Variants in PLEKHG4 observed in about 807,000 individuals in gnomAD.
PLEKHG4 encodes puratrophin-1.
A neutral mutation model predicts 136.9 loss-of-function variants in PLEKHG4; 85 were observed. The observed-to-expected ratio is 0.62, with a 90% CI of 0.52 to 0.74. The LOEUF (loss-of-function observed/expected upper bound fraction) is 0.74, where lower values mean the gene tolerates loss of function less well. PLEKHG4 is among the 30% of genes least tolerant of loss of function. PLEKHG4 has a pLI of 0.00. For missense variants in PLEKHG4, 1,317 were observed against 1,527.8 expected, an observed-to-expected ratio of 0.86 and a Z score of 2.30; for synonymous variants, 577 against 646.9, an observed-to-expected ratio of 0.89 and a Z score of 1.64.
chr16:67,288,156 C>A lies in PLEKHG4; in HGVS notation c.3221-11C>A. On this transcript the variant is annotated splice_polypyrimidine_tract_variant and intron_variant, in intron 19 of 21. Transcript: ENST00000379344. ...CTGGCCTGTCCCAACCTGACCCTCT[C>A]TCTTATGCAGAAGTTCGCTCTCGGG... is the stretch of plus-strand genomic sequence containing the variant. 6.2e-7 allele frequency: 1 copy of A among 1,612,078 alleles called. No homozygotes were observed. Among genetic ancestry groups the A allele is most frequent in the South Asian group, 1.1e-5 (1 of 91,042 alleles).
chr16:67,288,633 G>A (rs1245337045), intron 21 of PLEKHG4, 29 bp downstream of exon 21: 1 of 1,613,216 alleles, frequency 6.2e-7, no homozygotes, highest in Non-Finnish European at 8.5e-7. Flanking sequence ...ATACCCACCA[G>A]CCCTTCCCCA....
In PLEKHG4 at chr16:67,286,560, G is replaced by A; in HGVS notation, c.2648G>A (p.Gly883Asp). The stretch of plus-strand genomic sequence containing the variant: ...CAGGAGCTGGCACGGGCCTGCGGGG[G>A]CCCCACGCAGGAGCTCAGTGCGCTG... ...LLQELARACG[G>D]PTQELSALRE... The change falls in exon 16 of 22, where the codon GGC becomes GAC. Residue 883 changes from glycine to aspartate, a missense_variant. Coordinates refer to ENST00000379344, the MANE Select transcript of PLEKHG4 (RefSeq NM_001129729.3). 1 of 1,564,758 alleles carries A rather than the reference G, an allele frequency of 6.4e-7. No homozygotes were observed. Among genetic ancestry groups the A allele is most frequent in the Non-Finnish European group, 8.7e-7 (1 of 1,153,756 alleles).
Position 67,289,477 on chromosome 16 carries a change from T to A in PLEKHG4, c.*669T>A. ...GTTTATAATAAAAAATAGACTGATA[T>A]GTACCCTCTGATGGGCACATGCATT... On this transcript the variant is annotated 3_prime_UTR_variant, in exon 22 of 22. Transcript: ENST00000379344. The A allele has an allele frequency of 1.4e-6, 1 of 735,292 alleles. No individual in the cohort carries two copies. The highest frequency in any genetic ancestry group is 2.5e-5 in the East Asian group (1 of 39,972). 45.5% of individuals were successfully genotyped at this position (735,292 alleles called of 1,614,324 possible). A position where few individuals can be genotyped will look rare whatever the true frequency, so the allele number is the denominator to read the frequency against.
chr16:67,285,235 C>T lies in PLEKHG4; in HGVS notation c.2195+20C>T, dbSNP rs775638930. On this transcript the variant is annotated intron_variant, in intron 13 of 21. Coordinates refer to ENST00000379344, the MANE Select transcript of PLEKHG4 (RefSeq NM_001129729.3). ...CAACAGGTATGGGCAGTAGGCAGGG[C>T]GGGGAGGGCAGTAAAGGAGAGATGT... 8.7e-6 allele frequency: 14 copies of T among 1,613,366 alleles called. No individual in the cohort carries two copies. The highest frequency in any genetic ancestry group is 4.5e-5 in the East Asian group (2 of 44,896).
At position 67,286,865 on chromosome 16, in the gene PLEKHG4, G is replaced by A; in HGVS notation, c.2871G>A (p.Lys957=). The part of the protein sequence containing the change: ...FLFEELLLFS[K]PRHGPTGVDT... ...TTGAGGAGCTGCTGCTCTTCAGCAA[G>A]CCTCGCCATGGGCCCACAGGGGTTG... The change falls in exon 17 of 22, where the codon AAG becomes AAA. Residue 957 remains lysine (K), a synonymous_variant. Transcript: ENST00000379344. The A allele has an allele frequency of 1.2e-6, 2 of 1,614,148 alleles. No individual in the cohort carries two copies. The highest frequency in any genetic ancestry group is 1.1e-5 in the South Asian group (1 of 91,092).
intron 15 of PLEKHG4, 36 bp from the exon 16 acceptor site, chr16:67,286,409 C>T: frequency 6.2e-7 from 1 of 1,607,602 alleles, no homozygotes; most frequent in Non-Finnish European, 8.5e-7. Flanking sequence ...CGGGGAGTGC[C>T]CCCAAACCAC....
At position 67,280,669 on chromosome 16, in the gene PLEKHG4, A is replaced by G; in HGVS notation, c.500-42A>G. 3 of 1,613,458 alleles carry G rather than the reference A, an allele frequency of 1.9e-6. No homozygotes were observed. The highest frequency in any genetic ancestry group is 2.2e-5 in the East Asian group (1 of 44,882). On this transcript the variant is annotated intron_variant, in intron 2 of 21. Coordinates refer to ENST00000379344, the MANE Select transcript of PLEKHG4 (RefSeq NM_001129729.3). The surrounding 1 kb of genome is among the most constrained non-coding windows in gnomAD (Gnocchi z 4.4). ...CCCGGGTCCAAGTAGGGGTCTCTGG[A>G]TAGGTGGTCCAAGGCAGACCCAAGT... is the stretch of plus-strand genomic sequence containing the variant.
At chr16:67,282,415 G>T in intron 9 of PLEKHG4, 66 bp downstream of exon 9, 3 of 1,612,890 alleles carry the variant, frequency 1.9e-6, no homozygotes, top group East Asian at 4.5e-5. Flanking sequence ...GACTCATCTG[G>T]CTAGCTCAGA....
rs780161600 is a variant in PLEKHG4 at position 67,285,011 on chromosome 16, C to T, written c.1991C>T (p.Pro664Leu). The stretch of plus-strand genomic sequence containing the variant: ...GCTAGCCTGTGTGTCAGCCAGGTCC[C>T]CGCTGCACCTGCCCACCCTCCCCTG... Reference protein sequence around the residue: ...STASLCVSQVPAAPAHPPLRK... With the variant: ...STASLCVSQVLAAPAHPPLRK... The change falls in exon 13 of 22, where the codon CCC (proline) becomes CTC (leucine). Residue 664 changes from proline to leucine, a missense_variant. Physicochemically the swap from Pro to Leu is moderately conservative, Grantham distance 98. Transcript: ENST00000379344. 1.2e-6 allele frequency: 2 copies of T among 1,613,452 alleles called. No individual in the cohort carries two copies. Among genetic ancestry groups the T allele is most frequent in the Non-Finnish European group, 1.7e-6 (2 of 1,179,924 alleles).
chr16:67,287,641 C>T (rs2036537367), intron 18 of PLEKHG4: 1 of 559,646 alleles, frequency 1.8e-6, no homozygotes, highest in African/African-American at 1.9e-5. Flanking sequence ...AATCCTCCTA[C>T]CTCGGCCTCC....
Position 67,288,286 on chromosome 16 carries a change from C to T in PLEKHG4, c.3340C>T (p.Leu1114=). 1.2e-6 allele frequency: 2 copies of T among 1,613,276 alleles called. No homozygotes were observed. Among genetic ancestry groups the T allele is most frequent in the Non-Finnish European group, 1.7e-6 (2 of 1,179,966 alleles). ...ASCSVLGSLN[L]HLYRDPALLG... Reference sequence around the variant, plus strand: ...TTGCTCTGTTCTGGGGTCCCTCAACCTGCACCTGTACAGAGACCCAGCTCT... The same window carrying T: ...TTGCTCTGTTCTGGGGTCCCTCAACTTGCACCTGTACAGAGACCCAGCTCT... Residue 1114 remains leucine (L), a synonymous_variant, in exon 20 of 22, where the codon CTG becomes TTG. Coordinates refer to ENST00000379344, the MANE Select transcript of PLEKHG4 (RefSeq NM_001129729.3).
At chr16:67,286,179 G>A (rs980450040) in intron 14 of PLEKHG4, 95 bp from the exon 15 acceptor site, 3 of 846,996 alleles carry the variant, frequency 3.5e-6, no homozygotes, top group African/African-American at 3.3e-5. Context: ...GCATCTACTG[G>A]CATTTTGGTC....
upstream of PLEKHG4, chr16:67,278,371 A>C (rs1383016246): frequency 1.3e-5 from 2 of 152,212 alleles, no homozygotes; most frequent in Non-Finnish European, 2.9e-5. Context: ...CCCCAGGTTC[A>C]TGAAAGAGGT....
In PLEKHG4 at chr16:67,288,566, G is replaced by C. The variant is rs201790747; in HGVS notation, c.3532G>C (p.Gly1178Arg). The change falls in exon 21 of 22, where the codon GGG (glycine) becomes CGG (arginine). Residue 1178 changes from glycine to arginine, a missense_variant. Gly to Arg is a moderately radical substitution (Grantham distance 125). Transcript: ENST00000379344. ...SSGSDSSCVS[G>R]QALGRGLEDL... ...TGGCTCTGACAGCAGCTGTGTGTCA[G>C]GGCAGGCCCTGGGTAGGGGCCTGGA... 1.9e-6 allele frequency: 3 copies of C among 1,614,000 alleles called. No individual in the cohort carries two copies. In the African/African-American group the frequency reaches 4.0e-5, roughly 22 times the overall value.
At position 67,287,970 on chromosome 16, in the gene PLEKHG4, A is replaced by C. The variant is rs1477591301; in HGVS notation, c.3176A>C (p.Glu1059Ala). The change falls in exon 19 of 22, where the codon GAA (glutamate) becomes GCA (alanine). Residue 1059 changes from glutamate to alanine, a missense_variant. By Grantham distance (107) the Glu-to-Ala change is moderately radical (BLOSUM62 -1). Coordinates refer to ENST00000379344, the MANE Select transcript of PLEKHG4 (RefSeq NM_001129729.3). ...KAFRDIAPSE[E>A]AINDRTVNYV... is the part of the protein sequence containing the mutation. ...TTCCGAGACATTGCTCCCAGCGAGG[A>C]AGCCATCAACGACCGCACCGTCAAC... 6.2e-7 allele frequency: 1 copy of C among 1,613,924 alleles called. No homozygotes were observed. The highest frequency in any genetic ancestry group is 1.7e-5 in the Admixed American group (1 of 59,996).
At chr16:67,281,985 G>C (rs369689347) in intron 7 of PLEKHG4, 24 bp from the exon 8 acceptor site, 4 of 1,598,934 alleles carry the variant, frequency 2.5e-6, no homozygotes, top group Admixed American at 1.7e-5. Context: ...ATGCTGCTCC[G>C]GTCATGCCTG....
At chr16:67,287,552 A>G in intron 18 of PLEKHG4, 2 of 482,662 alleles carry the variant, frequency 4.1e-6, no homozygotes, top group African/African-American at 1.9e-5. Flanking sequence ...GGCATGTGCC[A>G]CCATGCCTAA....
Position 67,282,540 on chromosome 16 carries a change from G to A in PLEKHG4, c.1291G>A (p.Val431Met). The change falls in exon 10 of 22, where the codon GTG becomes ATG. Residue 431 changes from valine (V) to methionine (M), a missense_variant. Val to Met is a conservative substitution (Grantham distance 21). Transcript: ENST00000379344. ...CAAGGCTGACGAGCTATATGACCGG[G>A]TGGATGGATTGCTGCACCAACTGAC... ...MDKADELYDR[V>M]DGLLHQLTLQ... 1 of 1,614,128 alleles carries A rather than the reference G, an allele frequency of 6.2e-7. No homozygotes were observed. Among genetic ancestry groups the A allele is most frequent in the Admixed American group, 1.7e-5 (1 of 60,026 alleles).
chr16:67,282,118 C>T lies in PLEKHG4; in HGVS notation c.1104+11C>T, dbSNP rs377129952. The stretch of plus-strand genomic sequence containing the variant: ...CCCATGGAGCCTGGGGTGAGTGTCC[C>T]CTCCCAGTCCCTCCATGAATGCTCC... On this transcript the variant is annotated intron_variant, in intron 8 of 21. Coordinates refer to ENST00000379344, the MANE Select transcript of PLEKHG4 (RefSeq NM_001129729.3). 9 of 1,612,798 alleles carry T rather than the reference C, an allele frequency of 5.6e-6. No individual in the cohort carries two copies. The highest frequency in any genetic ancestry group is 1.3e-5 in the African/African-American group (1 of 74,800).
Sources: gnomAD v4.1 joint callset for allele counts on GRCh38, gnomAD v4.1.1 for gene constraint, Gnocchi (gnomAD v3.1) non-coding constraint, MANE v1.5 for transcripts, NCBI Gene and HGNC (gene_info 2026-07-23, HGNC 2026-07-21) for gene names.